The following CCSER2 variants were observed in gnomAD, a reference collection of about 807,000 sequenced individuals.
The protein encoded by CCSER2 is serine-rich coiled-coil domain-containing protein 2.
Under a neutral mutation model 92.3 loss-of-function variants are expected in CCSER2, and 46 were observed. The ratio of observed to expected loss-of-function variants is 0.50; its 90% CI spans 0.39 to 0.64. The LOEUF is 0.64. Among genes scored for constraint, CCSER2 ranks in the 30% least tolerant of loss-of-function variants. CCSER2 has a pLI of 0.00. For synonymous variants in CCSER2, 433 were observed against 431.4 expected, an observed-to-expected ratio of 1.00 and a Z score of -0.04; for missense variants, 1,244 against 1,238.9, an observed-to-expected ratio of 1.00 and a Z score of -0.06.
Position 84,514,170 on chromosome 10 carries a change from G to A in CCSER2, c.3047G>A (p.Arg1016Gln), listed in dbSNP as rs866301059. Residue 1016 changes from arginine to glutamine, a missense_variant, in exon 10 of 10, where the codon CGA becomes CAA. By Grantham distance (43) the Arg-to-Gln change is conservative (BLOSUM62 1). Coordinates refer to ENST00000372088, the MANE Select transcript of CCSER2 (RefSeq NM_001284240.2). ...KTSIPRPLTQ[R>Q]KEIMQNPNGN... The stretch of plus-strand genomic sequence containing the variant: ...AGCATCCCAAGGCCACTAACACAAC[G>A]AAAAGAAATCATGCAGAATCCAAAT... The A allele has an allele frequency of 5.0e-5, 77 of 1,536,226 alleles. No homozygotes were observed. In the African/African-American group the frequency reaches 8.9e-4, roughly 18 times the overall value.
chr10:84,504,181 A>G (rs544431279), intron 9 of CCSER2, among the ~76,000 whole-genome samples: 3 of 152,150 alleles, frequency 2.0e-5, no homozygotes, highest in Admixed American at 6.6e-5. Flanking sequence ...ACATTGGTCT[A>G]TTTTGCCCAT....
chr10:84,381,182 T>C (rs1840886862), intron 3 of CCSER2, among the ~76,000 whole-genome samples: 1 of 152,196 alleles, frequency 6.6e-6, no homozygotes, highest in Non-Finnish European at 1.5e-5. Flanking sequence ...AATGAGGTCA[T>C]ATATATAAAG....
At chr10:84,428,983 G>GTA (rs1843601248) in intron 5 of CCSER2, among the ~76,000 whole-genome samples, 1 of 41,674 alleles carries the variant, frequency 2.4e-5, no homozygotes, top group African/African-American at 7.1e-5. Context: ...GTGTGTGTAT[G>GTA]TGTATATATA....
At chr10:84,467,432 C>T (rs1256374761) in intron 7 of CCSER2, among the ~76,000 whole-genome samples, 1 of 152,118 alleles carries the variant, frequency 6.6e-6, no homozygotes, top group Non-Finnish European at 1.5e-5. Flanking sequence ...GTACTTCTAA[C>T]ACAGACTCTC....
intron 1 of CCSER2, among the ~76,000 whole-genome samples, chr10:84,329,846 T>G (rs913192904): frequency 1.3e-5 from 2 of 152,228 alleles, no homozygotes; most frequent in Non-Finnish European, 2.9e-5. Context: ...TTATTACTGT[T>G]TCTCTTAATT....
chr10:84,413,858 A>G (rs543298555), intron 3 of CCSER2, among the ~76,000 whole-genome samples: 20 of 152,322 alleles, frequency 1.3e-4, no homozygotes, highest in Admixed American at 2.6e-4. Flanking sequence ...TTAATAAGAT[A>G]GTTAGCTCTT....
rs75833132 is a variant in CCSER2 at position 84,402,604 on chromosome 10, A to G, written c.1615-15167A>G. Among the ~76,000 whole-genome samples, 337 of 152,366 alleles carry G rather than the reference A, an allele frequency of 2.2e-3. 2 individuals carry two copies. Among genetic ancestry groups the G allele is most frequent in the African/African-American group, 7.6e-3 (317 of 41,598 alleles). On this transcript the variant is annotated intron_variant, in intron 3 of 9. Transcript: ENST00000372088. ...GAAAAGACATTTCATTTAGCAAAAT[A>G]TAACATCAATTAATGACCTTTGCAA...
chr10:84,387,630 G>A (rs1053759864), intron 3 of CCSER2, among the ~76,000 whole-genome samples: 9 of 151,958 alleles, frequency 5.9e-5, no homozygotes, highest in East Asian at 3.9e-4. Flanking sequence ...CTGGGTTCAC[G>A]CCATTCTCCT....
intron 3 of CCSER2, among the ~76,000 whole-genome samples, chr10:84,407,956 T>G (rs1842456985): frequency 6.6e-6 from 1 of 152,084 alleles, no homozygotes; most frequent in South Asian, 2.1e-4. Flanking sequence ...TTCACAATGG[T>G]TTGCATGGAG....
intron 9 of CCSER2, among the ~76,000 whole-genome samples, chr10:84,479,272 G>A (rs1332164061): frequency 3.3e-5 from 5 of 152,210 alleles, no homozygotes; most frequent in Non-Finnish European, 7.3e-5. Flanking sequence ...GAGATTAACT[G>A]GCATAGCAAA....
At chr10:84,484,534 C>A (rs1248039109) in intron 9 of CCSER2, among the ~76,000 whole-genome samples, 4 of 151,394 alleles carry the variant, frequency 2.6e-5, no homozygotes, top group Admixed American at 2.6e-4. Context: ...GGAATTACTT[C>A]TTTGCTAAGG....
At chr10:84,359,675 T>C (rs1158297129) in intron 1 of CCSER2, among the ~76,000 whole-genome samples, 6 of 151,986 alleles carry the variant, frequency 3.9e-5, no homozygotes, top group Non-Finnish European at 8.8e-5. Context: ...GTTCTCTGAA[T>C]AGGGGTATAT....
intron 9 of CCSER2, among the ~76,000 whole-genome samples, chr10:84,482,767 T>C (rs1177251154): frequency 6.6e-6 from 1 of 152,164 alleles, no homozygotes; most frequent in East Asian, 1.9e-4. Flanking sequence ...CCAAAGGATC[T>C]ACCTGACCTG....
intron 1 of CCSER2, among the ~76,000 whole-genome samples, chr10:84,350,379 GT>G (rs55866325): frequency 6.0e-5 from 9 of 150,928 alleles, no homozygotes; most frequent in Non-Finnish European, 8.9e-5. Flanking sequence ...TTATTTAATT[GT>G]TTTTTTTTCT....
intron 6 of CCSER2, among the ~76,000 whole-genome samples, chr10:84,451,152 A>G (rs1211612964): frequency 6.6e-6 from 1 of 152,214 alleles, no homozygotes; most frequent in Non-Finnish European, 1.5e-5. Context: ...AATAGACACA[A>G]CACATAGAGC....
intron 1 of CCSER2, among the ~76,000 whole-genome samples, chr10:84,333,943 G>T (rs1484021492): frequency 6.6e-6 from 1 of 152,178 alleles, no homozygotes; most frequent in Non-Finnish European, 1.5e-5. Context: ...CAAAGATAGG[G>T]ACTGAGTAGA....
intron 6 of CCSER2, chr10:84,455,567 C>G: frequency 2.2e-6 from 1 of 445,860 alleles, no homozygotes; most frequent in South Asian, 1.9e-5. Context: ...TGAGCTACTG[C>G]GCCCAGCCTT....
chr10:84,347,024 A>G (rs1418306317), intron 1 of CCSER2, among the ~76,000 whole-genome samples: 1 of 152,164 alleles, frequency 6.6e-6, no homozygotes, highest in Non-Finnish European at 1.5e-5. Flanking sequence ...TTAACAAAGC[A>G]CATCTTGCAC....
intron 2 of CCSER2, among the ~76,000 whole-genome samples, chr10:84,372,910 C>G (rs968255269): frequency 5.3e-5 from 8 of 151,918 alleles, no homozygotes; most frequent in African/African-American, 1.9e-4. Flanking sequence ...ATTTTTTTAT[C>G]CTAGAAAATT....
Sources: allele counts gnomAD v4.1 joint callset (sites outside exome capture counted in the v4.1 genomes callset), GRCh38; gene constraint gnomAD v4.1.1; transcripts MANE v1.5; gene names NCBI Gene and HGNC (gene_info 2026-07-23, HGNC 2026-07-21).